Variants in HMGN3 observed in about 807,000 individuals in gnomAD.
The protein encoded by HMGN3 is high mobility group nucleosome-binding domain-containing protein 3.
Under a neutral mutation model 18.8 loss-of-function variants are expected in HMGN3, and 6 were observed. The ratio of observed to expected loss-of-function variants is 0.32; its 90% confidence interval spans 0.18 to 0.63. HMGN3 has a LOEUF of 0.63. Among genes scored for constraint, HMGN3 ranks in the 30% least tolerant of loss-of-function variants. The probability of loss-of-function intolerance (pLI) is 0.79; values close to 1 mark genes in which losing one functional copy is unlikely to be tolerated. For synonymous variants in HMGN3, 40 were observed against 36.5 expected, an observed-to-expected ratio of 1.10 and a Z score of -0.35; for missense variants, 107 against 114.2, an observed-to-expected ratio of 0.94 and a Z score of 0.29.
chr6:79,224,275 T>C (rs1323675089), intron 1 of HMGN3, among the ~76,000 whole-genome samples: 8 of 152,142 alleles, frequency 5.3e-5, no homozygotes, highest in Non-Finnish European at 1.2e-4. Flanking sequence ...CCATTCAAAG[T>C]GGTTTGTGTT....
intron 3 of HMGN3, 55 bp downstream of exon 3, chr6:79,208,492 C>G: frequency 1.4e-6 from 2 of 1,408,256 alleles, no homozygotes; most frequent in Admixed American, 1.7e-5. Context: ...TCACTTTGGA[C>G]AAAGGGAACA....
intron 2 of HMGN3, among the ~76,000 whole-genome samples, chr6:79,209,140 G>A (rs1776562119): frequency 6.6e-6 from 1 of 152,160 alleles, no homozygotes; most frequent in African/African-American, 2.4e-5. Context: ...CATTTATCTA[G>A]TAGTATATGT....
chr6:79,226,626 C>A (rs1777579949), intron 1 of HMGN3, among the ~76,000 whole-genome samples: 1 of 152,156 alleles, frequency 6.6e-6, no homozygotes, highest in Non-Finnish European at 1.5e-5. Context: ...CTGGTACACC[C>A]AGGCATTCAG....
Position 79,203,498 on chromosome 6 carries a change from C to G in HMGN3, c.147+82G>C, listed in dbSNP as rs1274275526. On this transcript the variant is annotated intron_variant, in intron 4 of 5. Transcript: ENST00000344726. ...TTCAGTTTGGATCATTAAATACGGCCTTTCTTTGAATGATTCTGAGGTAGG... is the reference window on the plus strand; with the variant it reads ...TTCAGTTTGGATCATTAAATACGGCGTTTCTTTGAATGATTCTGAGGTAGG... 2.5e-6 allele frequency: 3 copies of G among 1,195,370 alleles called. No individual in the cohort carries two copies. In the East Asian group the frequency reaches 7.0e-5, roughly 28 times the overall value. 74.0% of individuals were successfully genotyped at this position (1,195,370 alleles called of 1,614,324 possible).
At chr6:79,202,805 G>A (rs960070688) in intron 4 of HMGN3, among the ~76,000 whole-genome samples, 12 of 152,276 alleles carry the variant, frequency 7.9e-5, no homozygotes, top group African/African-American at 1.9e-4. Context: ...AACCCCTCAC[G>A]TGGAGACATG....
chr6:79,206,138 G>A (rs1300513883), intron 3 of HMGN3, among the ~76,000 whole-genome samples: 1 of 152,232 alleles, frequency 6.6e-6, no homozygotes, highest in East Asian at 1.9e-4. Context: ...AAAATTTGCA[G>A]CCTGGCAATG....
chr6:79,204,474 T>C (rs1425274088), intron 3 of HMGN3, among the ~76,000 whole-genome samples: 2 of 152,178 alleles, frequency 1.3e-5, no homozygotes, highest in African/African-American at 2.4e-5. Flanking sequence ...AGGTGGCACA[T>C]GCGGATAACT....
In HMGN3 at chr6:79,208,627, G is replaced by A. The variant is rs139182136; in HGVS notation, c.67-51C>T. 237 of 1,402,170 alleles carry A rather than the reference G, an allele frequency of 1.7e-4. No individual in the cohort carries two copies. In the African/African-American group the frequency reaches 2.6e-3, roughly 15 times the overall value. The allele number at this position is 1,402,170 out of a possible 1,614,324, so 86.9% of individuals were successfully genotyped here. On this transcript the variant is annotated intron_variant, in intron 2 of 5. Coordinates refer to ENST00000344726, the Ensembl canonical transcript of HMGN3. Reference sequence around the variant, plus strand: ...ATATTTTTTGGTGATTATATAAAACGAAGTTGATTTTTAAAAATCTATTCT... The same window carrying A: ...ATATTTTTTGGTGATTATATAAAACAAAGTTGATTTTTAAAAATCTATTCT...
Position 79,214,724 on chromosome 6 carries a change from AG to A in HMGN3, c.66+247del, listed in dbSNP as rs1472895406. ...TGCTTTAACAGAAAGCAGGGCTGAC[AG>A]GTAGAAACATAAACAACACAGTAAG... On this transcript the variant is annotated intron_variant, in intron 2 of 5. Transcript: ENST00000344726. Among the ~76,000 whole-genome samples, 28 of 152,324 alleles carry A rather than the reference AG, an allele frequency of 1.8e-4. No homozygotes were observed. In the East Asian group the frequency reaches 5.2e-3, roughly 28 times the overall value.
At chr6:79,207,909 C>T (rs1776497000) in intron 3 of HMGN3, among the ~76,000 whole-genome samples, 1 of 152,104 alleles carries the variant, frequency 6.6e-6, no homozygotes. Context: ...CACTAGAGTC[C>T]AGCTAATCTC....
Position 79,225,589 on chromosome 6 carries a change from G to T in HMGN3, c.15+8957C>A, listed in dbSNP as rs547827903. Among the ~76,000 whole-genome samples the T allele has an allele frequency of 1.1e-4, 17 of 152,280 alleles. No homozygotes were observed. In the South Asian group the frequency reaches 3.5e-3, roughly 32 times the overall value. ...TATGCAAGCGTATTTACATGTTCCT[G>T]TTCACAAGGGAGTATTCCCATTATT... On this transcript the variant is annotated intron_variant, in intron 1 of 5. Coordinates refer to ENST00000344726, the Ensembl canonical transcript of HMGN3.
chr6:79,206,213 A>G (rs1223076750), intron 3 of HMGN3, among the ~76,000 whole-genome samples: 1 of 152,240 alleles, frequency 6.6e-6, no homozygotes, highest in African/African-American at 2.4e-5. Context: ...AGAAATTTGC[A>G]TGAGTAATGA....
chr6:79,208,314 T>A (rs1776516697), intron 3 of HMGN3, among the ~76,000 whole-genome samples: 1 of 152,208 alleles, frequency 6.6e-6, no homozygotes, highest in African/African-American at 2.4e-5. Flanking sequence ...TCAAACAACA[T>A]CCTGCTTTAT....
At chr6:79,227,589 C>T (rs2127838927) in intron 1 of HMGN3, among the ~76,000 whole-genome samples, 1 of 152,298 alleles carries the variant, frequency 6.6e-6, no homozygotes, top group East Asian at 1.9e-4. Flanking sequence ...TTCACTATCT[C>T]AGTTAATTCT....
intron 1 of HMGN3, among the ~76,000 whole-genome samples, chr6:79,232,104 C>T (rs144243177): frequency 6.6e-6 from 1 of 152,222 alleles, no homozygotes; most frequent in African/African-American, 2.4e-5. Context: ...ATTTTAAAAG[C>T]TTATTATATT....
At chr6:79,219,084 A>G (rs1305917991) in intron 1 of HMGN3, among the ~76,000 whole-genome samples, 1 of 152,166 alleles carries the variant, frequency 6.6e-6, no homozygotes, top group Non-Finnish European at 1.5e-5. Flanking sequence ...ATTTTCCCAA[A>G]GTAAAGTCTT....
chr6:79,225,017 AAT>A (rs1777497847), intron 1 of HMGN3, among the ~76,000 whole-genome samples: 1 of 152,232 alleles, frequency 6.6e-6, no homozygotes, highest in Non-Finnish European at 1.5e-5. Flanking sequence ...AAGTAGTCAG[AAT>A]ATAGTTTGTT....
intron 2 of HMGN3, among the ~76,000 whole-genome samples, chr6:79,213,734 T>G (rs1206322149): frequency 6.6e-6 from 1 of 152,212 alleles, no homozygotes; most frequent in African/African-American, 2.4e-5. Context: ...TGTTTAAGAT[T>G]TTCCACTTGG....
intron 2 of HMGN3, among the ~76,000 whole-genome samples, chr6:79,209,596 T>C (rs1776583160): frequency 6.6e-6 from 1 of 152,210 alleles, no homozygotes; most frequent in South Asian, 2.1e-4. Flanking sequence ...TATGCAGACT[T>C]TGCCTCATTA....
Sources: allele counts gnomAD v4.1 joint callset (sites outside exome capture counted in the v4.1 genomes callset), GRCh38; gene constraint gnomAD v4.1.1; transcripts MANE v1.5; gene names NCBI Gene and HGNC (gene_info 2026-07-23, HGNC 2026-07-21).